The following MAGI2 variants were observed in gnomAD, a reference collection of about 807,000 sequenced individuals.
The protein encoded by MAGI2 is membrane associated guanylate kinase, WW and PDZ domain containing 2.
A neutral mutation model predicts 133.3 loss-of-function variants in MAGI2; 35 were observed. The observed-to-expected ratio is 0.26, with a 90% confidence interval of 0.20 to 0.35. The LOEUF is 0.35. Ranked by LOEUF, MAGI2 falls within the 10% of genes least tolerant of loss-of-function variation. The pLI, the probability that MAGI2 is intolerant of heterozygous loss-of-function variation, is 1.00. For synonymous variants in MAGI2, 729 were observed against 710.6 expected (o/e 1.03, Z -0.41); for missense variants, 1,636 against 1,863.4 (o/e 0.88, Z 2.25).
intron 10 of MAGI2, among the ~76,000 whole-genome samples, chr7:78,202,042 T>G (rs1002439540): frequency 6.6e-6 from 1 of 152,206 alleles, no homozygotes; most frequent in Non-Finnish European, 1.5e-5. Flanking sequence ...ATGCTGATCC[T>G]AACAATCCAA....
intron 1 of MAGI2, among the ~76,000 whole-genome samples, chr7:79,047,474 C>T (rs1251848315): frequency 6.6e-6 from 1 of 151,920 alleles, no homozygotes; most frequent in Non-Finnish European, 1.5e-5. Context: ...AATATAAATG[C>T]TATAAGCCAT....
Position 79,376,904 on chromosome 7 carries a change from C to T in MAGI2, c.301+76116G>A, listed in dbSNP as rs1167362743. 2.6e-5 allele frequency among the ~76,000 whole-genome samples: 4 copies of T among 151,310 alleles called. No homozygotes were observed. The East Asian group carries it at 7.8e-4, about 29-fold the overall frequency. The stretch of plus-strand genomic sequence containing the variant: ...AAAGTTATTCACCATCCATATGCAG[C>T]TTCCTGTGTATGTGCTTTGGGAAAT... On this transcript the variant is annotated intron_variant, in intron 1 of 21. Transcript: ENST00000354212.
intron 1 of MAGI2, among the ~76,000 whole-genome samples, chr7:79,048,447 G>GA (rs1349308041): frequency 6.6e-6 from 1 of 151,964 alleles, no homozygotes; most frequent in East Asian, 1.9e-4. Context: ...TTTTAAGTCA[G>GA]AAAAAAATAA....
chr7:78,844,594 C>G (rs959167511), intron 2 of MAGI2, among the ~76,000 whole-genome samples: 1 of 151,786 alleles, frequency 6.6e-6, no homozygotes, highest in Admixed American at 6.6e-5. Flanking sequence ...CTGGAATAGG[C>G]AAATCCATAG....
intron 3 of MAGI2, among the ~76,000 whole-genome samples, chr7:78,579,662 AT>A (rs1802636768): frequency 1.3e-5 from 2 of 152,092 alleles, no homozygotes; most frequent in African/African-American, 2.4e-5. Context: ...TTGTCTTGCC[AT>A]TTCTTTAAAA....
chr7:79,093,714 CTT>C (rs369075503), intron 1 of MAGI2, among the ~76,000 whole-genome samples: 243 of 113,280 alleles, frequency 2.1e-3, no homozygotes, highest in Admixed American at 4.3e-3. Context: ...CTTTTCTTTT[CTT>C]TTTTTTTTTT....
intron 1 of MAGI2, among the ~76,000 whole-genome samples, chr7:79,200,445 T>TAA (rs34446005): frequency 7.3e-6 from 1 of 137,894 alleles, no homozygotes. Flanking sequence ...TCTACAAAAT[T>TAA]AAAAAAAAAA....
chr7:79,214,090 G>C lies in MAGI2; in HGVS notation c.302-206884C>G, dbSNP rs576607467. ...CTAGTCTTGCAGTTCAAACTCTTAA[G>C]ACCCAAAGTATAATGTAAACGTTTT... On this transcript the variant is annotated intron_variant, in intron 1 of 21. Coordinates refer to ENST00000354212, the MANE Select transcript of MAGI2 (RefSeq NM_012301.4). 2.0e-5 allele frequency among the ~76,000 whole-genome samples: 3 copies of C among 151,890 alleles called. No individual in the cohort carries two copies. In the South Asian group the frequency reaches 6.2e-4, roughly 32 times the overall value.
At chr7:78,251,156 GC>G (rs1792344268) in intron 10 of MAGI2, among the ~76,000 whole-genome samples, 1 of 152,064 alleles carries the variant, frequency 6.6e-6, no homozygotes, top group Non-Finnish European at 1.5e-5. Flanking sequence ...AATAGCTGCA[GC>G]AAAAACATTT....
At chr7:79,244,835 C>A (rs1832705009) in intron 1 of MAGI2, among the ~76,000 whole-genome samples, 1 of 152,170 alleles carries the variant, frequency 6.6e-6, no homozygotes, top group African/African-American at 2.4e-5. Flanking sequence ...CAGCTTACAG[C>A]TCTGGGACAG....
At chr7:79,283,875 A>C (rs1197364304) in intron 1 of MAGI2, among the ~76,000 whole-genome samples, 2 of 152,108 alleles carry the variant, frequency 1.3e-5, no homozygotes, top group African/African-American at 4.8e-5. Flanking sequence ...CACAGATCAG[A>C]AGGTGGTCCC....
Position 78,119,129 on chromosome 7 carries a change from A to C in MAGI2, c.3567+6565T>G, listed in dbSNP as rs762912156. ...AGGCAAAACTCTGCAGTCAGTAAAA[A>C]GATCAGTGGTTGCCAGGGGTTAGTG... On this transcript the variant is annotated intron_variant, in intron 20 of 21. Transcript: ENST00000354212. 3.5e-4 allele frequency among the ~76,000 whole-genome samples: 54 copies of C among 152,244 alleles called. 1 individual carries two copies. The highest frequency in any genetic ancestry group is 1.0e-4 in the Non-Finnish European group (7 of 68,032).
chr7:78,702,745 G>A (rs1818206909), intron 2 of MAGI2, among the ~76,000 whole-genome samples: 3 of 151,962 alleles, frequency 2.0e-5, no homozygotes, highest in African/African-American at 7.2e-5. Context: ...TAAATTCCAG[G>A]AGCATTTATT....
chr7:78,319,531 G>A (rs1376040677), intron 9 of MAGI2, among the ~76,000 whole-genome samples: 1 of 152,054 alleles, frequency 6.6e-6, no homozygotes, highest in Non-Finnish European at 1.5e-5. Context: ...ATGACTGCTG[G>A]GTACATAAAG....
intron 1 of MAGI2, among the ~76,000 whole-genome samples, chr7:79,016,776 C>T (rs150637588): frequency 6.6e-6 from 1 of 152,246 alleles, no homozygotes; most frequent in Non-Finnish European, 1.5e-5. Flanking sequence ...CAGCCCCACA[C>T]CCACCTGCAC....
chr7:79,129,195 C>T (rs1820695740), intron 1 of MAGI2, among the ~76,000 whole-genome samples: 1 of 152,154 alleles, frequency 6.6e-6, no homozygotes, highest in African/African-American at 2.4e-5. Flanking sequence ...AGAACACTTA[C>T]ATTAGCCTAC....
At chr7:78,166,440 A>G (rs749471414) in intron 15 of MAGI2, among the ~76,000 whole-genome samples, 8 of 152,226 alleles carry the variant, frequency 5.3e-5, no homozygotes. Flanking sequence ...TAGCCCAAGG[A>G]TAAGGCATAA....
intron 9 of MAGI2, among the ~76,000 whole-genome samples, chr7:78,337,781 T>C (rs1406959786): frequency 1.3e-5 from 2 of 152,222 alleles, no homozygotes; most frequent in East Asian, 3.8e-4. Context: ...TTGTTGGTGC[T>C]TCAGTGGTCC....
intron 3 of MAGI2, among the ~76,000 whole-genome samples, chr7:78,579,766 C>T (rs10234391): frequency 0.36 from 54,701 of 151,992 alleles, 10,399 homozygotes; most frequent in East Asian, 0.65. Context: ...ATAAAATATT[C>T]ATGTTAATAA....
Sources: allele counts gnomAD v4.1 joint callset (sites outside exome capture counted in the v4.1 genomes callset), GRCh38; gene constraint gnomAD v4.1.1; transcripts MANE v1.5; gene names NCBI Gene and HGNC (gene_info 2026-07-23, HGNC 2026-07-21).